Variants in DOCK3 observed in about 807,000 individuals in gnomAD.
DOCK3 encodes the protein dedicator of cytokinesis 3, also known as dedicator of cytokinesis protein 3.
In DOCK3, 60 loss-of-function variants were observed where a neutral mutation model predicts 265.6. The ratio of observed to expected loss-of-function variants is 0.23; its 90% confidence interval spans 0.18 to 0.28. The LOEUF (loss-of-function observed/expected upper bound fraction) is 0.28, where lower values mean the gene tolerates loss of function less well. DOCK3 is among the 10% of genes least tolerant of loss of function. The pLI is 1.00. For missense variants in DOCK3, 1,981 were observed against 2,594.3 expected, an observed-to-expected ratio of 0.76 and a Z score of 5.14; for synonymous variants, 881 against 938.0, an observed-to-expected ratio of 0.94 and a Z score of 1.11.
At chr3:51,158,215 TCAA>T (rs1315384418) in intron 10 of DOCK3, among the ~76,000 whole-genome samples, 1 of 152,174 alleles carries the variant, frequency 6.6e-6, no homozygotes, top group East Asian at 1.9e-4. Flanking sequence ...TGCGTACTCA[TCAA>T]CAAACATTTC....
intron 27 of DOCK3, among the ~76,000 whole-genome samples, chr3:51,288,695 A>G (rs2081555845): frequency 1.3e-5 from 2 of 152,372 alleles, no homozygotes; most frequent in Middle Eastern, 3.4e-3. Flanking sequence ...CCATTAGTCA[A>G]TGGCCTAGTT....
At chr3:51,066,502 T>C (rs2081596244) in intron 6 of DOCK3, among the ~76,000 whole-genome samples, 1 of 152,198 alleles carries the variant, frequency 6.6e-6, no homozygotes, top group Admixed American at 6.5e-5. Flanking sequence ...AATAATATGT[T>C]CAGAGTTCTG....
intron 1 of DOCK3, among the ~76,000 whole-genome samples, chr3:50,772,993 C>T (rs1279411945): frequency 6.6e-6 from 1 of 151,624 alleles, no homozygotes; most frequent in Non-Finnish European, 1.5e-5. Context: ...TAATGTTGAG[C>T]AAAAAGAAAA....
chr3:51,311,234 C>A (rs957358819), intron 28 of DOCK3, among the ~76,000 whole-genome samples: 6 of 152,168 alleles, frequency 3.9e-5, no homozygotes, highest in African/African-American at 1.4e-4. Context: ...ATTTTTCACC[C>A]CCTCTAGTGG....
intron 5 of DOCK3, among the ~76,000 whole-genome samples, chr3:50,967,465 G>A (rs1181151096): frequency 6.6e-6 from 1 of 152,096 alleles, no homozygotes; most frequent in Non-Finnish European, 1.5e-5. Flanking sequence ...CTGATAAATG[G>A]GAGTGCCAGT....
chr3:51,200,733 A>G (rs1462961515), intron 12 of DOCK3, among the ~76,000 whole-genome samples: 2 of 151,930 alleles, frequency 1.3e-5, no homozygotes, highest in Non-Finnish European at 2.9e-5. Context: ...CAGATTCACC[A>G]AAGTTGAAAT....
intron 7 of DOCK3, among the ~76,000 whole-genome samples, chr3:51,078,484 A>G (rs930513537): frequency 2.6e-5 from 4 of 152,284 alleles, no homozygotes; most frequent in African/African-American, 7.2e-5. Context: ...AAAGGGCCCA[A>G]TGTAATTATG....
intron 9 of DOCK3, among the ~76,000 whole-genome samples, chr3:51,113,067 A>C (rs2083588215): frequency 6.6e-6 from 1 of 152,228 alleles, no homozygotes; most frequent in Non-Finnish European, 1.5e-5. Context: ...AACACATTGT[A>C]TGCCCACCAT....
intron 35 of DOCK3, among the ~76,000 whole-genome samples, chr3:51,334,961 C>T (rs2110017011): frequency 6.6e-6 from 1 of 152,256 alleles, no homozygotes; most frequent in South Asian, 2.1e-4. Context: ...CATCACTGGC[C>T]TTTACTCACT....
At chr3:51,210,999 G>A (rs1048607429) in intron 13 of DOCK3, among the ~76,000 whole-genome samples, 2 of 152,216 alleles carry the variant, frequency 1.3e-5, no homozygotes, top group Non-Finnish European at 2.9e-5. Context: ...AACAGTTCCA[G>A]TAGTAGCATG....
At chr3:50,881,157 C>T in intron 3 of DOCK3, 1 of 152,088 alleles carries the variant, frequency 6.6e-6, no homozygotes, top group East Asian at 1.9e-4. Context: ...TATGACAAAC[C>T]CACAGCCAAT....
At chr3:51,179,400 A>G (rs1188499769) in intron 12 of DOCK3, among the ~76,000 whole-genome samples, 1 of 152,236 alleles carries the variant, frequency 6.6e-6, no homozygotes, top group African/African-American at 2.4e-5. Flanking sequence ...TAAACTAAGA[A>G]TGTTATTCAT....
At chr3:51,291,313 A>G (rs2081758081) in intron 27 of DOCK3, among the ~76,000 whole-genome samples, 1 of 152,132 alleles carries the variant, frequency 6.6e-6, no homozygotes, top group African/African-American at 2.4e-5. Flanking sequence ...AGTAGAAGTA[A>G]ATGAAATGGA....
chr3:51,127,449 A>G (rs2106870360), intron 9 of DOCK3, among the ~76,000 whole-genome samples: 1 of 152,340 alleles, frequency 6.6e-6, no homozygotes, highest in African/African-American at 2.4e-5. Flanking sequence ...AGCCCAACAT[A>G]ATACAACTAT....
chr3:51,263,353 T>C (rs2079965160), intron 23 of DOCK3, among the ~76,000 whole-genome samples: 1 of 152,176 alleles, frequency 6.6e-6, no homozygotes, highest in South Asian at 2.1e-4. Flanking sequence ...TAAAATCTTT[T>C]ACAGACAAGC....
chr3:51,119,977 C>T (rs2083936727), intron 9 of DOCK3, among the ~76,000 whole-genome samples: 1 of 151,956 alleles, frequency 6.6e-6, no homozygotes, highest in Admixed American at 6.6e-5. Context: ...ATTCATCAGA[C>T]TCATTCTCTG....
chr3:51,179,959 G>A lies in DOCK3; in HGVS notation c.1037+19257G>A, dbSNP rs542752876. Among the ~76,000 whole-genome samples the A allele has an allele frequency of 5.9e-5, 9 of 152,058 alleles. No homozygotes were observed. The East Asian group carries it at 1.6e-3, about 26-fold the overall frequency. ...GCGGTGTCTCATGCCTGTAATCCCAGCACTTTGGGAGGCCGAGGTGGGTGG... is the reference window on the plus strand; with the variant it reads ...GCGGTGTCTCATGCCTGTAATCCCAACACTTTGGGAGGCCGAGGTGGGTGG... On this transcript the variant is annotated intron_variant, in intron 12 of 52. Transcript: ENST00000266037.
At chr3:51,267,754 G>A (rs2080276436) in intron 23 of DOCK3, among the ~76,000 whole-genome samples, 2 of 152,082 alleles carry the variant, frequency 1.3e-5, no homozygotes, top group Non-Finnish European at 2.9e-5. Context: ...ATGCCCATCA[G>A]TCATAGACTA....
Position 51,270,827 on chromosome 3 carries a change from A to C in DOCK3, c.2368A>C (p.Asn790His). ...TLLFTQAALL[N>H]SFPTIFDELL... ...TTTGCTTCTGCAGGCTGCACTCCTC[A>C]ATTCTTTCCCAACCATCTTTGATGA... is the stretch of plus-strand genomic sequence containing the variant. Residue 790 changes from asparagine (N) to histidine (H), a missense_variant, in exon 24 of 53, where the codon AAT becomes CAT. By Grantham distance (68) the Asn-to-His change is moderately conservative. Around this residue, in one of 4 missense-constraint regions of DOCK3, gnomAD observed 1,357 missense variants for 1,866.8 expected, o/e 0.73. Transcript: ENST00000266037. The C allele has an allele frequency of 6.2e-7, 1 of 1,613,674 alleles. No individual in the cohort carries two copies. Among genetic ancestry groups the C allele is most frequent in the South Asian group, 1.1e-5 (1 of 91,062 alleles).
Sources: allele counts gnomAD v4.1 joint callset (sites outside exome capture counted in the v4.1 genomes callset), GRCh38; gene constraint gnomAD v4.1.1; regional missense constraint gnomAD v4.1.1; transcripts MANE v1.5; gene names NCBI Gene and HGNC (gene_info 2026-07-23, HGNC 2026-07-21).